The following RIBC2 variants were observed in gnomAD, a reference collection of about 807,000 sequenced individuals.
The protein encoded by RIBC2 is RIB43A domain with coiled-coils 2.
A neutral mutation model predicts 44.3 loss-of-function variants in RIBC2; 40 were observed. The observed-to-expected ratio is 0.90, with a 90% CI of 0.70 to 1.18. The LOEUF is 1.18. Ranked by LOEUF, RIBC2 falls within the 50% of genes most tolerant of loss-of-function variation. RIBC2 has a pLI of 0.00. For synonymous variants in RIBC2, 171 were observed against 175.0 expected (o/e 0.98, Z 0.18); for missense variants, 459 against 485.5 (o/e 0.95, Z 0.51).
At chr22:45,426,933 GAGAGGAGTT>G (rs1420399064) in intron 5 of RIBC2, among the ~76,000 whole-genome samples, 1 of 152,102 alleles carries the variant, frequency 6.6e-6, no homozygotes, top group East Asian at 1.9e-4. Flanking sequence ...ACGTGTGAAA[GAGAGGAGTT>G]AAAGGCGACT....
rs565844114 is a variant in RIBC2, at chr22:45,422,521, T to C, written c.675+113T>C. On this transcript the variant is annotated intron_variant, in intron 4 of 6. Transcript: ENST00000614167. ...ATCCCAGTCTCAGCCTGCTCCCTGG[T>C]CACATGACCGGCCCTGACAGAGACC... The C allele has an allele frequency of 3.9e-6, 3 of 776,960 alleles. No individual in the cohort carries two copies. In the South Asian group the frequency reaches 4.6e-5, roughly 12 times the overall value. 48.1% of individuals were successfully genotyped at this position (776,960 alleles called of 1,614,324 possible).
Position 45,413,840 on chromosome 22 carries a change from G to C in RIBC2, c.-47G>C. 6.6e-7 allele frequency: 1 copy of C among 1,503,996 alleles called. No individual in the cohort carries two copies. The allele number at this position is 1,503,996 out of a possible 1,614,324, so 93.2% of individuals were successfully genotyped here. A position where few individuals can be genotyped will look rare whatever the true frequency, so the allele number is the denominator to read the frequency against. ...GCGCTACAGCTTCCTTATTTTCGTC[G>C]CCTGTTCTCCTGATCCTGCGTGTTC... On this transcript the variant is annotated 5_prime_UTR_variant, in exon 1 of 7. Coordinates refer to ENST00000614167, the MANE Select transcript of RIBC2 (RefSeq NM_015653.5).
At chr22:45,414,195 C>T in intron 1 of RIBC2, 127 bp from the exon 2 acceptor site, 3 of 1,479,804 alleles carry the variant, frequency 2.0e-6, no homozygotes, top group South Asian at 2.9e-5. Context: ...GGTTCTCCTC[C>T]CCTGAGCCAG....
At chr22:45,418,207 T>C (rs1250781924) in intron 3 of RIBC2, 2 of 304,670 alleles carry the variant, frequency 6.6e-6, no homozygotes, top group African/African-American at 2.1e-5. Flanking sequence ...GAAAACACTT[T>C]CCGTGTCGGG....
At chr22:45,419,534 G>C (rs1009566899) in intron 3 of RIBC2, among the ~76,000 whole-genome samples, 14 of 151,910 alleles carry the variant, frequency 9.2e-5, no homozygotes, top group Non-Finnish European at 1.8e-4. Context: ...AAGAGATCAA[G>C]GCCAGCCCGG....
intron 5 of RIBC2, among the ~76,000 whole-genome samples, chr22:45,426,816 T>C (rs2146887844): frequency 6.6e-6 from 1 of 152,084 alleles, no homozygotes; most frequent in East Asian, 1.9e-4. Flanking sequence ...CGAGAGGTGA[T>C]GCTGGCTGGG....
chr22:45,429,608 G>A (rs1057197726), intron 5 of RIBC2, among the ~76,000 whole-genome samples: 15 of 152,094 alleles, frequency 9.9e-5, no homozygotes, highest in Non-Finnish European at 1.9e-4. Context: ...GTGGGAGGCT[G>A]CAGTGGGGCC....
At chr22:45,425,550 A>G (rs1449624121) in intron 4 of RIBC2, among the ~76,000 whole-genome samples, 6 of 152,320 alleles carry the variant, frequency 3.9e-5, no homozygotes, top group African/African-American at 9.6e-5. Context: ...ACTGTTGTCA[A>G]TCACTCTGTT....
chr22:45,430,050 C>A (rs536689855), intron 5 of RIBC2, among the ~76,000 whole-genome samples: 1 of 152,172 alleles, frequency 6.6e-6, no homozygotes, highest in Non-Finnish European at 1.5e-5. Flanking sequence ...TGACCCTGGG[C>A]TCCTGAGAGC....
chr22:45,428,954 C>T (rs1041966541), intron 5 of RIBC2, among the ~76,000 whole-genome samples: 1 of 151,998 alleles, frequency 6.6e-6, no homozygotes. Context: ...CTCAGGGGGC[C>T]GAGGGTATTG....
Position 45,421,505 on chromosome 22 carries a change from A to C in RIBC2, c.557-785A>C, listed in dbSNP as rs5765338. On this transcript the variant is annotated intron_variant, in intron 3 of 6. Transcript: ENST00000614167. ...GTCTAATTAATTATTATTATTAATAATAGTATTATTAATAATAATAATAGT... is the reference window on the plus strand; with the variant it reads ...GTCTAATTAATTATTATTATTAATACTAGTATTATTAATAATAATAATAGT... Among the ~76,000 whole-genome samples the C allele has an allele frequency of 1.9e-3, 82 of 42,446 alleles. 2 individuals are homozygous for C. The highest frequency in any genetic ancestry group is 7.9e-3 in the African/African-American group (25 of 3,160). The allele number at this position is 42,446 out of a possible 152,430, so 27.8% of individuals were successfully genotyped here. A position where few individuals can be genotyped will look rare whatever the true frequency, so the allele number is the denominator to read the frequency against.
chr22:45,414,296 C>A (rs1420474856), intron 1 of RIBC2, 26 bp from the exon 2 acceptor site: 1 of 1,541,276 alleles, frequency 6.5e-7, no homozygotes, highest in East Asian at 2.4e-5. Context: ...GGCTCTAACC[C>A]TTCTCCTCTG....
chr22:45,423,781 G>T (rs2087508271), intron 4 of RIBC2, among the ~76,000 whole-genome samples: 2 of 152,164 alleles, frequency 1.3e-5, no homozygotes, highest in South Asian at 4.2e-4. Flanking sequence ...AGGTCTTAGA[G>T]ATCATCCATC....
chr22:45,427,535 A>C (rs1224202840), intron 5 of RIBC2, among the ~76,000 whole-genome samples: 1 of 152,274 alleles, frequency 6.6e-6, no homozygotes, highest in African/African-American at 2.4e-5. Context: ...ATTTTCTGCC[A>C]CAATCTCCAA....
intron 5 of RIBC2, among the ~76,000 whole-genome samples, chr22:45,427,968 C>G (rs1299551488): frequency 1.3e-5 from 2 of 152,350 alleles, no homozygotes; most frequent in East Asian, 3.9e-4. Context: ...GGACTGAGTC[C>G]TGCTCCCACC....
intron 6 of RIBC2, among the ~76,000 whole-genome samples, chr22:45,431,528 C>G (rs2087580195): frequency 2.0e-5 from 3 of 152,222 alleles, no homozygotes; most frequent in Non-Finnish European, 4.4e-5. Context: ...TGAACTTGCA[C>G]CTGAAAAACA....
At position 45,421,520 on chromosome 22, in the gene RIBC2, A is replaced by ATAATACTATTAT. The variant is rs1569208821; in HGVS notation, c.557-765_557-764insCTATTATTAATA. ...ATTATTAATAATAGTATTATTAATA[A>ATAATACTATTAT]TAATAATAGTATTATTAATAATATT... On this transcript the variant is annotated intron_variant, in intron 3 of 6. Transcript: ENST00000614167. Among the ~76,000 whole-genome samples, 6 of 37,714 alleles carry ATAATACTATTAT rather than the reference A, an allele frequency of 1.6e-4. No homozygotes were observed. The African/African-American group carries it at 1.7e-3, about 11-fold the overall frequency. The allele number at this position is 37,714 out of a possible 152,430, so 24.7% of individuals were successfully genotyped here.
rs2087479526 is a variant in RIBC2, at chr22:45,421,514, TTAATAATAATAATAGTATTATTAATAA to T, written c.557-773_557-747del. Among the ~76,000 whole-genome samples, 40 of 62,862 alleles carry T rather than the reference TTAATAATAATAATAGTATTATTAATAA, an allele frequency of 6.4e-4. 2 individuals are homozygous for T. The highest frequency in any genetic ancestry group is 2.6e-3 in the African/African-American group (28 of 10,812). The allele number at this position is 62,862 out of a possible 152,430, so 41.2% of individuals were successfully genotyped here. A position where few individuals can be genotyped will look rare whatever the true frequency, so the allele number is the denominator to read the frequency against. On this transcript the variant is annotated intron_variant, in intron 3 of 6. Coordinates refer to ENST00000614167, the MANE Select transcript of RIBC2 (RefSeq NM_015653.5). ...ATTATTATTATTAATAATAGTATTATTAATAATAATAATAGTATTATTAATAATATTAATAATAATAATAGTATTATT... is the reference window on the plus strand; with the variant it reads ...ATTATTATTATTAATAATAGTATTATTATTAATAATAATAATAGTATTATT...
chr22:45,429,690 G>A (rs1400081821), intron 5 of RIBC2, among the ~76,000 whole-genome samples: 5 of 152,198 alleles, frequency 3.3e-5, no homozygotes, highest in Admixed American at 3.3e-4. Context: ...GGGCTGGAAT[G>A]GGGGTCCAGG....
Sources: gnomAD v4.1 joint callset for allele counts (sites outside exome capture counted in the v4.1 genomes callset) on GRCh38, gnomAD v4.1.1 for gene constraint, MANE v1.5 for transcripts, NCBI Gene and HGNC (gene_info 2026-07-23, HGNC 2026-07-21) for gene names.